The following TNFRSF19 variants were observed in gnomAD, a reference collection of about 807,000 sequenced individuals.
TNFRSF19 encodes TNF receptor superfamily member 19.
Under a neutral mutation model 46.4 loss-of-function variants are expected in TNFRSF19, and 27 were observed. The ratio of observed to expected loss-of-function variants is 0.58; its 90% CI spans 0.43 to 0.80. The LOEUF (loss-of-function observed/expected upper bound fraction) is 0.80, where lower values mean the gene tolerates loss of function less well. Ranked by LOEUF, TNFRSF19 falls within the 30% of genes least tolerant of loss-of-function variation. The pLI, the probability that TNFRSF19 is intolerant of heterozygous loss-of-function variation, is 0.00. For synonymous variants in TNFRSF19, 204 were observed against 205.0 expected (o/e 1.00, Z 0.04); for missense variants, 511 against 530.8 (o/e 0.96, Z 0.37).
In TNFRSF19 at chr13:23,669,772, G is replaced by A. The variant is rs572515714; in HGVS notation, c.1245+675G>A. ...CAGCAAAGGATTCAGGGATAACTGG[G>A]CACGTCTCTGCTTTCTTCAGGTGAG... On this transcript the variant is annotated intron_variant, in intron 9 of 9. Coordinates refer to ENST00000248484, the MANE Select transcript of TNFRSF19 (RefSeq NM_148957.4). 5 of 928,848 alleles carry A rather than the reference G, an allele frequency of 5.4e-6. No homozygotes were observed. In the African/African-American group the frequency reaches 8.9e-5, roughly 17 times the overall value. The allele number at this position is 928,848 out of a possible 1,614,324, so 57.5% of individuals were successfully genotyped here.
intron 1 of TNFRSF19, among the ~76,000 whole-genome samples, chr13:23,584,438 A>G (rs1412378607): frequency 6.6e-6 from 1 of 151,988 alleles, no homozygotes; most frequent in Non-Finnish European, 1.5e-5. Context: ...GTATTCCATC[A>G]TATATATATA....
At chr13:23,651,893 T>TAAAAAAAA (rs34023907) in intron 5 of TNFRSF19, among the ~76,000 whole-genome samples, 10 of 9,972 alleles carry the variant, frequency 1.0e-3, no homozygotes, top group African/African-American at 1.4e-3. Context: ...CATAACATGC[T>TAAAAAAAA]AAAAAAAAAA....
rs34800120 is a variant in TNFRSF19 at position 23,633,111 on chromosome 13, CTTTT to C, written c.445+6333_445+6336del. On this transcript the variant is annotated intron_variant, in intron 5 of 9. Coordinates refer to ENST00000248484, the MANE Select transcript of TNFRSF19 (RefSeq NM_148957.4). ...ATGATCAAATTACACTTGTTGACGTCTTTTTTTTTTTTTTTTTGAGACAGTCTCA... is the reference window on the plus strand; with the variant it reads ...ATGATCAAATTACACTTGTTGACGTCTTTTTTTTTTTTTGAGACAGTCTCA... Among the ~76,000 whole-genome samples the C allele has an allele frequency of 2.2e-5, 3 of 136,126 alleles. No homozygotes were observed. In the East Asian group the frequency reaches 6.5e-4, roughly 29 times the overall value. 89.3% of individuals were successfully genotyped at this position (136,126 alleles called of 152,430 possible).
intron 3 of TNFRSF19, among the ~76,000 whole-genome samples, chr13:23,599,953 C>A (rs1333376327): frequency 6.6e-6 from 1 of 152,094 alleles, no homozygotes; most frequent in African/African-American, 2.4e-5. Flanking sequence ...AAGATGATGA[C>A]ATTTTCTTTT....
chr13:23,608,541 G>A (rs574442820), intron 3 of TNFRSF19, among the ~76,000 whole-genome samples: 10 of 152,326 alleles, frequency 6.6e-5, no homozygotes, highest in Non-Finnish European at 1.5e-4. Context: ...GTGGAGCCAC[G>A]TGGGAGTAGC....
At chr13:23,615,090 C>T (rs1050538205) in intron 3 of TNFRSF19, among the ~76,000 whole-genome samples, 1 of 152,092 alleles carries the variant, frequency 6.6e-6, no homozygotes, top group African/African-American at 2.4e-5. Flanking sequence ...TTAAAATTGT[C>T]GTGAACACAG....
chr13:23,582,400 C>CA (rs956698733), intron 1 of TNFRSF19, among the ~76,000 whole-genome samples: 1,653 of 142,396 alleles, frequency 0.012, 21 homozygotes, highest in African/African-American at 0.038. Flanking sequence ...GACTCCGTCT[C>CA]AAAAAAAAAA....
chr13:23,653,742 G>C (rs1883797403), intron 5 of TNFRSF19, among the ~76,000 whole-genome samples: 1 of 152,220 alleles, frequency 6.6e-6, no homozygotes, highest in African/African-American at 2.4e-5. Context: ...AGTAGGCTGT[G>C]AGATGCATGA....
chr13:23,594,271 A>C, intron 3 of TNFRSF19: 1 of 452,314 alleles, frequency 2.2e-6, no homozygotes, highest in African/African-American at 2.0e-5. Context: ...ACTCCCCTGG[A>C]AAGGGGGATG....
At position 23,570,799 on chromosome 13, in the gene TNFRSF19, GA is replaced by G. The variant is rs774514443; in HGVS notation, c.-82del. The G allele has an allele frequency of 6.6e-6, 1 of 152,194 alleles. No individual in the cohort carries two copies. Among genetic ancestry groups the G allele is most frequent in the African/African-American group, 2.4e-5 (1 of 41,452 alleles). The allele number at this position is 152,194 out of a possible 1,614,324, so 9.4% of individuals were successfully genotyped here. A position where few individuals can be genotyped will look rare whatever the true frequency, so the allele number is the denominator to read the frequency against. ...GCTGACATACATTTTTGGGAAGGTA[GA>G]AGCATTTGGCACAGAAGTGCTGCCA... On this transcript the variant is annotated 5_prime_UTR_variant, in exon 1 of 10. Transcript: ENST00000248484.
rs116550613 is a variant in TNFRSF19, at chr13:23,665,792, A to G, written c.737-2188A>G. Among the ~76,000 whole-genome samples the G allele has an allele frequency of 4.9e-3, 744 of 152,312 alleles. 9 individuals carry two copies. The highest frequency in any genetic ancestry group is 0.017 in the African/African-American group (690 of 41,564). ...AAATTCGTGTTAATTCAGTGCCATT[A>G]TATAATCTACAGAGCGTATTCGTGT... On this transcript the variant is annotated intron_variant, in intron 7 of 9. Coordinates refer to ENST00000248484, the MANE Select transcript of TNFRSF19 (RefSeq NM_148957.4).
chr13:23,653,288 C>T (rs1488839611), intron 5 of TNFRSF19, among the ~76,000 whole-genome samples: 1 of 152,206 alleles, frequency 6.6e-6, no homozygotes, highest in East Asian at 1.9e-4. Flanking sequence ...TATGGTCAGG[C>T]TCAGCTGCAG....
intron 3 of TNFRSF19, among the ~76,000 whole-genome samples, chr13:23,608,858 G>A (rs747948250): frequency 2.0e-5 from 3 of 152,134 alleles, no homozygotes; most frequent in Non-Finnish European, 2.9e-5. Context: ...CATGCACTGC[G>A]GGAGCTGCCT....
intron 3 of TNFRSF19, among the ~76,000 whole-genome samples, chr13:23,601,603 G>A (rs1298062400): frequency 6.6e-6 from 1 of 152,156 alleles, no homozygotes; most frequent in African/African-American, 2.4e-5. Flanking sequence ...CTTAATTGAT[G>A]TAATAGATGA....
At chr13:23,590,123 A>G in intron 1 of TNFRSF19, 27 bp from the exon 2 acceptor site, 2 of 1,158,818 alleles carry the variant, frequency 1.7e-6, no homozygotes, top group Admixed American at 4.2e-5. Flanking sequence ...TTTTAATATT[A>G]ACTGCATCTT....
intron 3 of TNFRSF19, among the ~76,000 whole-genome samples, chr13:23,605,657 A>G (rs1033118909): frequency 2.0e-5 from 3 of 152,220 alleles, no homozygotes; most frequent in African/African-American, 7.2e-5. Context: ...AAGCCGTGAA[A>G]AGACATAGAG....
At chr13:23,610,376 A>G (rs898430013) in intron 3 of TNFRSF19, among the ~76,000 whole-genome samples, 1 of 152,194 alleles carries the variant, frequency 6.6e-6, no homozygotes, top group Admixed American at 6.5e-5. Flanking sequence ...AAAACCACCA[A>G]ATGTGGCTTA....
chr13:23,575,205 A>G (rs1481274998), intron 1 of TNFRSF19, among the ~76,000 whole-genome samples: 1 of 152,226 alleles, frequency 6.6e-6, no homozygotes, highest in Admixed American at 6.5e-5. Flanking sequence ...TCCCTCATCG[A>G]ACTCATGAAA....
chr13:23,652,579 A>G (rs997981593), intron 5 of TNFRSF19, among the ~76,000 whole-genome samples: 1 of 152,210 alleles, frequency 6.6e-6, no homozygotes, highest in East Asian at 1.9e-4. Context: ...CTCTATTGAT[A>G]TATATCTGAG....
Sources: gnomAD v4.1 joint callset for allele counts (sites outside exome capture counted in the v4.1 genomes callset) on GRCh38, gnomAD v4.1.1 for gene constraint, MANE v1.5 for transcripts, NCBI Gene and HGNC (gene_info 2026-07-23, HGNC 2026-07-21) for gene names.